Variants in FMNL2 observed in about 807,000 individuals in gnomAD.
The protein encoded by FMNL2 is formin like 2.
A neutral mutation model predicts 130.2 loss-of-function variants in FMNL2; 51 were observed. The ratio of observed to expected loss-of-function variants is 0.39; its 90% CI spans 0.31 to 0.49. The LOEUF (loss-of-function observed/expected upper bound fraction) is 0.49. FMNL2 is among the 20% of genes least tolerant of loss of function. The probability of loss-of-function intolerance (pLI) is 0.85; values close to 1 mark genes in which losing one functional copy is unlikely to be tolerated. For synonymous variants in FMNL2, 465 were observed against 467.1 expected (o/e 1.00, Z 0.06); for missense variants, 977 against 1,316.2 (o/e 0.74, Z 3.99).
At chr2:152,587,934 C>G (rs975868326) in intron 9 of FMNL2, among the ~76,000 whole-genome samples, 1 of 152,206 alleles carries the variant, frequency 6.6e-6, no homozygotes, top group Non-Finnish European at 1.5e-5. Context: ...GCAAGATGCT[C>G]TGCAAAGAAG....
chr2:152,532,113 A>G (rs1233722255), intron 2 of FMNL2, among the ~76,000 whole-genome samples: 2 of 152,180 alleles, frequency 1.3e-5, no homozygotes, highest in Non-Finnish European at 2.9e-5. Flanking sequence ...TAAGGTTTAT[A>G]GGATCCCTTG....
At chr2:152,398,134 TAAATA>T (rs1442366642) in intron 1 of FMNL2, among the ~76,000 whole-genome samples, 2 of 151,908 alleles carry the variant, frequency 1.3e-5, no homozygotes, top group African/African-American at 2.4e-5. Context: ...CGAAAAAAAA[TAAATA>T]AAATAAAAGC....
rs910248076 is a variant in FMNL2, at chr2:152,511,295, G to C, written c.118-10648G>C. ...AACTGGTTCCCACCAAGGTAATCCA[G>C]GATAATCTTCCCATCGCAAGGTTCT... On this transcript the variant is annotated intron_variant, in intron 1 of 25. Transcript: ENST00000288670. Among the ~76,000 whole-genome samples the C allele has an allele frequency of 6.6e-5, 10 of 152,256 alleles. No homozygotes were observed. The South Asian group carries it at 1.7e-3, about 25-fold the overall frequency.
chr2:152,353,837 G>T (rs1682641001), intron 1 of FMNL2, among the ~76,000 whole-genome samples: 1 of 152,154 alleles, frequency 6.6e-6, no homozygotes, highest in Non-Finnish European at 1.5e-5. Context: ...CTGGATTCTA[G>T]TATATTTTAC....
intron 1 of FMNL2, among the ~76,000 whole-genome samples, chr2:152,353,396 C>T (rs917699612): frequency 9.2e-5 from 14 of 152,138 alleles, no homozygotes; most frequent in African/African-American, 3.1e-4. Flanking sequence ...CCAGGATCAG[C>T]CTTTTAGGTG....
At chr2:152,613,556 G>A (rs1029190708) in intron 11 of FMNL2, among the ~76,000 whole-genome samples, 2 of 152,064 alleles carry the variant, frequency 1.3e-5, no homozygotes, top group African/African-American at 4.8e-5. Flanking sequence ...TAAACCTAGG[G>A]GAAAATCCAT....
At chr2:152,398,210 C>T (rs1414996783) in intron 1 of FMNL2, among the ~76,000 whole-genome samples, 1 of 152,206 alleles carries the variant, frequency 6.6e-6, no homozygotes, top group African/African-American at 2.4e-5. Context: ...TTGTATCCCC[C>T]AGGCTATGTT....
chr2:152,480,046 G>GT (rs904503836), intron 1 of FMNL2, among the ~76,000 whole-genome samples: 15 of 152,176 alleles, frequency 9.9e-5, no homozygotes, highest in African/African-American at 3.6e-4. Context: ...TGCCTTAAAT[G>GT]TAATTGGGAT....
In FMNL2 at chr2:152,636,526, A is replaced by G. The variant is rs758631913; in HGVS notation, c.2780A>G (p.Lys927Arg). The G allele has an allele frequency of 6.3e-6, 10 of 1,597,336 alleles. No individual in the cohort carries two copies. In the Admixed American group the frequency reaches 1.6e-4, roughly 25 times the overall value. Reference protein sequence around the residue: ...YTMHDHNTLLKEFILNNEGKL... With the variant: ...YTMHDHNTLLREFILNNEGKL... ...ATGCATGACCATAACACGCTGCTGA[A>G]GGAGTTCATCCTCAACAATGAGGGG... Residue 927 changes from lysine to arginine, a missense_variant, in exon 22 of 26, where the codon AAG (lysine) becomes AGG (arginine). Physicochemically the swap from Lys to Arg is conservative, Grantham distance 26. This residue lies in a region of FMNL2 where 689 missense variants were observed against 995.9 expected (regional missense o/e 0.69). Transcript: ENST00000288670.
At chr2:152,640,400 G>C (rs2105966230) in intron 24 of FMNL2, among the ~76,000 whole-genome samples, 1 of 152,300 alleles carries the variant, frequency 6.6e-6, no homozygotes, top group South Asian at 2.1e-4. Context: ...TTGATAGCTG[G>C]AGGGACTTGC....
intron 3 of FMNL2, among the ~76,000 whole-genome samples, chr2:152,543,840 C>G (rs533203276): frequency 1.4e-5 from 2 of 147,440 alleles, no homozygotes; most frequent in Non-Finnish European, 3.0e-5. Context: ...GAAATAAAAT[C>G]TAGTAGTGAT....
At chr2:152,389,666 G>A (rs1472493521) in intron 1 of FMNL2, among the ~76,000 whole-genome samples, 1 of 152,234 alleles carries the variant, frequency 6.6e-6, no homozygotes, top group Non-Finnish European at 1.5e-5. Context: ...ACGTGGATCC[G>A]AGCCGGCGCG....
At chr2:152,431,743 A>AT (rs1475526581) in intron 1 of FMNL2, among the ~76,000 whole-genome samples, 2 of 152,140 alleles carry the variant, frequency 1.3e-5, no homozygotes, top group Non-Finnish European at 2.9e-5. Context: ...AGGCAGGAAG[A>AT]TTGCTTGAGT....
rs960825345 is a variant in FMNL2 at position 152,546,917 on chromosome 2, C to T, written c.283-2104C>T. On this transcript the variant is annotated intron_variant, in intron 3 of 25. Transcript: ENST00000288670. The stretch of plus-strand genomic sequence containing the variant: ...GTTTAAAGAGAGAGAATACCTTTAG[C>T]TGCCCATCCTGCATTACTTGCCCCC... Among the ~76,000 whole-genome samples the T allele has an allele frequency of 1.6e-4, 25 of 151,558 alleles. 1 individual carries two copies. The highest frequency in any genetic ancestry group is 4.8e-4 in the African/African-American group (20 of 41,306).
intron 9 of FMNL2, among the ~76,000 whole-genome samples, chr2:152,603,785 C>T (rs150424019): frequency 6.6e-6 from 1 of 150,968 alleles, no homozygotes; most frequent in South Asian, 2.2e-4. Flanking sequence ...TCCATTCCTG[C>T]GGCATTCCTA....
chr2:152,343,625 T>C lies in FMNL2; in HGVS notation c.117+7905T>C, dbSNP rs1377603103. The stretch of plus-strand genomic sequence containing the variant: ...TAGTTCACATTTTTGACCATGTGCC[T>C]GGTGCTGGGACACTAACGTGTGACT... On this transcript the variant is annotated intron_variant, in intron 1 of 25. Coordinates refer to ENST00000288670, the MANE Select transcript of FMNL2 (RefSeq NM_052905.4). Among the ~76,000 whole-genome samples the C allele has an allele frequency of 3.3e-5, 5 of 152,314 alleles. No homozygotes were observed. In the East Asian group the frequency reaches 9.7e-4, roughly 29 times the overall value.
chr2:152,596,764 T>G (rs1697794151), intron 9 of FMNL2, among the ~76,000 whole-genome samples: 2 of 152,208 alleles, frequency 1.3e-5, no homozygotes, highest in Admixed American at 1.3e-4. Flanking sequence ...TTGAAGTAGA[T>G]GAAGAAAATT....
chr2:152,425,337 G>A lies in FMNL2; in HGVS notation c.117+89617G>A, dbSNP rs566900400. 5.9e-5 allele frequency among the ~76,000 whole-genome samples: 9 copies of A among 152,244 alleles called. No homozygotes were observed. The South Asian group carries it at 1.2e-3, about 21-fold the overall frequency. On this transcript the variant is annotated intron_variant, in intron 1 of 25. Transcript: ENST00000288670. ...ATTTGAGATGGAGTAACTGCCAAGT[G>A]GTCTTATAATTTCCCTCCATTCTGT...
intron 1 of FMNL2, among the ~76,000 whole-genome samples, chr2:152,386,193 A>AG (rs1370244493): frequency 1.3e-5 from 2 of 152,192 alleles, no homozygotes; most frequent in Non-Finnish European, 2.9e-5. Context: ...AGCACCTTCA[A>AG]GGGGGCTATT....
Sources: allele counts gnomAD v4.1 joint callset (sites outside exome capture counted in the v4.1 genomes callset), GRCh38; gene constraint gnomAD v4.1.1; regional missense constraint gnomAD v4.1.1; transcripts MANE v1.5; gene names NCBI Gene and HGNC (gene_info 2026-07-23, HGNC 2026-07-21).